The following STK36 variants were observed in gnomAD, a reference collection of about 807,000 sequenced individuals.
STK36 encodes the protein serine/threonine kinase 36.
Under a neutral mutation model 142.2 loss-of-function variants are expected in STK36, and 116 were observed. That is an observed-to-expected ratio of 0.82 (90% CI 0.70 to 0.95). The LOEUF (loss-of-function observed/expected upper bound fraction) is 0.95, where lower values mean the gene tolerates loss of function less well. STK36 is among the 40% of genes least tolerant of loss of function. STK36 has a pLI of 0.00. For synonymous variants in STK36, 619 were observed against 641.7 expected (o/e 0.96, Z 0.53); for missense variants, 1,422 against 1,617.2 (o/e 0.88, Z 2.07).
chr2:218,681,129 GT>G (rs544336140), intron 10 of STK36, among the ~76,000 whole-genome samples: 357 of 133,676 alleles, frequency 2.7e-3, no homozygotes, highest in Middle Eastern at 0.011. Flanking sequence ...TACCACAATC[GT>G]TTTTTTTTTT....
rs763391610 is a variant in STK36 at position 218,679,748 on chromosome 2, A to G, written c.948+19A>G. 7 of 1,613,850 alleles carry G rather than the reference A, an allele frequency of 4.3e-6. No individual in the cohort carries two copies. The highest frequency in any genetic ancestry group is 5.9e-6 in the Non-Finnish European group (7 of 1,179,896). On this transcript the variant is annotated intron_variant, in intron 8 of 26. Coordinates refer to ENST00000295709, the MANE Select transcript of STK36 (RefSeq NM_015690.5). Reference sequence around the variant, plus strand: ...GCAGAAGGTGTGTGGGGCAGAGGAAAATATGTGAAATGACCAGGCTAGTGA... The same window carrying G: ...GCAGAAGGTGTGTGGGGCAGAGGAAGATATGTGAAATGACCAGGCTAGTGA...
Position 218,698,950 on chromosome 2 carries a change from T to C in STK36, c.3406T>C (p.Leu1136=), listed in dbSNP as rs1244012155. The C allele has an allele frequency of 1.5e-5, 25 of 1,614,042 alleles. No homozygotes were observed. Among genetic ancestry groups the C allele is most frequent in the South Asian group, 4.4e-5 (4 of 91,096 alleles). ...ACACACTTATAGGCTCCTGGGACAC[T>C]TGCTCCAACACAGCATGGCCCTGCG... ...RAHTYRLLGH[L]LQHSMALRGA... Residue 1136 remains leucine, a synonymous_variant, in exon 26 of 27, where the codon TTG becomes CTG. Coordinates refer to ENST00000295709, the MANE Select transcript of STK36 (RefSeq NM_015690.5).
intron 1 of STK36, 28 bp downstream of exon 1, chr2:218,672,243 A>C (rs6748412): frequency 0.084 from 45,456 of 543,788 alleles, 5,468 homozygotes; most frequent in African/African-American, 0.43. Flanking sequence ...AAGAGACCGG[A>C]GGGAGAGGCG....
rs1439703971 is a variant in STK36 at position 218,679,717 on chromosome 2, G to T, written c.936G>T (p.Glu312Asp). 1 of 1,614,118 alleles carries T rather than the reference G, an allele frequency of 6.2e-7. No homozygotes were observed. Among genetic ancestry groups the T allele is most frequent in the Non-Finnish European group, 8.5e-7 (1 of 1,180,068 alleles). The change falls in exon 8 of 27, where the codon GAG becomes GAT. Residue 312 changes from glutamate to aspartate, a missense_variant. Transcript: ENST00000295709. ...AGGCCTATAAACGCATGGCTGAGGA[G>T]GCCATGCAGAAGGTGTGTGGGGCAG... is the stretch of plus-strand genomic sequence containing the variant. ...LTQAYKRMAE[E>D]AMQKKHQNTG...
chr2:218,697,636 C>T (rs372211861), intron 24 of STK36, 26 bp downstream of exon 24: 1 of 1,613,018 alleles, frequency 6.2e-7, no homozygotes, highest in Non-Finnish European at 8.5e-7. Flanking sequence ...AAGAGAGCCA[C>T]AGAGTCAGCA....
At chr2:218,676,610 T>C (rs1575121926) in intron 6 of STK36, among the ~76,000 whole-genome samples, 1 of 148,526 alleles carries the variant, frequency 6.7e-6, no homozygotes, top group South Asian at 2.1e-4. Flanking sequence ...AAAGGAAAGG[T>C]GCTACACGCT....
At position 218,688,533 on chromosome 2, in the gene STK36, C is replaced by G; in HGVS notation, c.1381-164C>G. 3.8e-6 allele frequency: 3 copies of G among 787,756 alleles called. No individual in the cohort carries two copies. The South Asian group carries it at 5.1e-5, about 13-fold the overall frequency. 48.8% of individuals were successfully genotyped at this position (787,756 alleles called of 1,614,324 possible). On this transcript the variant is annotated intron_variant, in intron 11 of 26. Transcript: ENST00000295709. Reference sequence around the variant, plus strand: ...TATTGTCTTCTTCCCTGGTACAGTTCCCCTATTTCCCTGCTTTCCTTCTCT... The same window carrying G: ...TATTGTCTTCTTCCCTGGTACAGTTGCCCTATTTCCCTGCTTTCCTTCTCT...
In STK36 at chr2:218,672,791, T is replaced by C; in HGVS notation, c.-39T>C. 6.2e-7 allele frequency: 1 copy of C among 1,602,846 alleles called. No homozygotes were observed. Among genetic ancestry groups the C allele is most frequent in the East Asian group, 2.2e-5 (1 of 44,812 alleles). On this transcript the variant is annotated 5_prime_UTR_variant, in exon 2 of 27. Transcript: ENST00000295709. ...CCTGGATCTATAGCTCTTCACCGTC[T>C]CTACTTTCTTCCTTCTAAGAGATCC...
chr2:218,692,050 C>T, intron 14 of STK36, 93 bp from the exon 15 acceptor site: 1 of 1,483,694 alleles, frequency 6.7e-7, no homozygotes. Flanking sequence ...TGGTTTTTGT[C>T]CTCTTTCCTC....
At chr2:218,674,514 CT>C (rs963361726) in intron 4 of STK36, among the ~76,000 whole-genome samples, 36 of 152,292 alleles carry the variant, frequency 2.4e-4, no homozygotes, top group African/African-American at 4.8e-4. Context: ...TAGGCCCCCC[CT>C]GGGATTCATT....
At chr2:218,672,693 G>A (rs1940041053) in intron 1 of STK36, 48 bp from the exon 2 acceptor site, 2 of 763,686 alleles carry the variant, frequency 2.6e-6, no homozygotes, top group Non-Finnish European at 4.4e-6. Flanking sequence ...GTGAAAAAGA[G>A]GAAAAGGCAA....
At position 218,690,447 on chromosome 2, in the gene STK36, C is replaced by T. The variant is rs1360169728; in HGVS notation, c.1659-3C>T. The T allele has an allele frequency of 1.2e-6, 2 of 1,613,780 alleles. No homozygotes were observed. Among genetic ancestry groups the T allele is most frequent in the Admixed American group, 1.7e-5 (1 of 60,002 alleles). On this transcript the variant is annotated splice_polypyrimidine_tract_variant and splice_region_variant and intron_variant, in intron 13 of 26. Transcript: ENST00000295709. Reference sequence around the variant, plus strand: ...AAATCATGGGCTCATTTTCCACCCCCAGCCTGCAGGTGTTTCAGGAGGCTG... The same window carrying T: ...AAATCATGGGCTCATTTTCCACCCCTAGCCTGCAGGTGTTTCAGGAGGCTG...
At chr2:218,686,303 G>A (rs923683730) in intron 11 of STK36, among the ~76,000 whole-genome samples, 23 of 151,902 alleles carry the variant, frequency 1.5e-4, no homozygotes, top group Admixed American at 6.6e-5. Flanking sequence ...TGTCATCTAG[G>A]CTGGAGTGTT....
Position 218,688,924 on chromosome 2 carries a change from C to A in STK36, c.1560+48C>A, listed in dbSNP as rs371981558. 7.3e-6 allele frequency: 11 copies of A among 1,511,124 alleles called. No homozygotes were observed. The African/African-American group carries it at 1.4e-4, about 20-fold the overall frequency. The allele number at this position is 1,511,124 out of a possible 1,614,324, so 93.6% of individuals were successfully genotyped here. A position where few individuals can be genotyped will look rare whatever the true frequency, so the allele number is the denominator to read the frequency against. ...CTGAAGACTTACAGAGGTTCTTTTTCTTGGATTTATCTCATTCAGATTGCC... is the reference window on the plus strand; with the variant it reads ...CTGAAGACTTACAGAGGTTCTTTTTATTGGATTTATCTCATTCAGATTGCC... On this transcript the variant is annotated intron_variant, in intron 12 of 26. Transcript: ENST00000295709.
intron 26 of STK36, among the ~76,000 whole-genome samples, chr2:218,699,992 C>T (rs947402087): frequency 6.6e-6 from 1 of 151,656 alleles, no homozygotes; most frequent in Admixed American, 6.6e-5. Context: ...GGCATGATCT[C>T]GGCTCACCAC....
At chr2:218,685,823 T>C (rs1559336574) in intron 11 of STK36, among the ~76,000 whole-genome samples, 1 of 152,208 alleles carries the variant, frequency 6.6e-6, no homozygotes, top group South Asian at 2.1e-4. Flanking sequence ...TGTATAAGAT[T>C]TACACTTTTT....
Position 218,690,515 on chromosome 2 carries a change from C to T in STK36, c.1724C>T (p.Pro575Leu). ...CTGTTGGGGAAACTGCTGGCCCAAC[C>T]AGATGACTCTGAGCAGACTTTGCGG... ...LDLLGKLLAQ[P>L]DDSEQTLRRD... Residue 575 changes from proline (P) to leucine (L), a missense_variant, in exon 14 of 27, where the codon CCA (proline) becomes CTA (leucine). Around this residue, in one of 2 missense-constraint regions of STK36, gnomAD observed 962 missense variants for 1,167.5 expected, o/e 0.82. Transcript: ENST00000295709. 6.2e-7 allele frequency: 1 copy of T among 1,614,166 alleles called. No homozygotes were observed. Among genetic ancestry groups the T allele is most frequent in the South Asian group, 1.1e-5 (1 of 91,070 alleles).
intron 10 of STK36, among the ~76,000 whole-genome samples, chr2:218,680,910 C>T (rs988143493): frequency 6.6e-6 from 1 of 152,086 alleles, no homozygotes; most frequent in Non-Finnish European, 1.5e-5. Flanking sequence ...AATGAAAGTC[C>T]TCATTGAATC....
Position 218,692,590 on chromosome 2 carries a change from G to T in STK36, c.1923G>T (p.Pro641=), listed in dbSNP as rs140295724. The change falls in exon 16 of 27, where the codon CCG becomes CCT. Residue 641 remains proline, a synonymous_variant. Transcript: ENST00000295709. The part of the protein sequence containing the change: ...QLPVHTPQGA[P]QVSQPLREQS... ...CTTTGCTTTTCTCCACAGGAGCCCC[G>T]CAAGTGAGCCAGCCACTGCGAGAGC... is the stretch of plus-strand genomic sequence containing the variant. 3.5e-5 allele frequency: 57 copies of T among 1,611,938 alleles called. No homozygotes were observed. Among genetic ancestry groups the T allele is most frequent in the South Asian group, 1.7e-4 (15 of 90,892 alleles).
Sources: gnomAD v4.1 joint callset for allele counts (sites outside exome capture counted in the v4.1 genomes callset) on GRCh38, gnomAD v4.1.1 for gene constraint, gnomAD v4.1.1 regional missense constraint, MANE v1.5 for transcripts, NCBI Gene and HGNC (gene_info 2026-07-23, HGNC 2026-07-21) for gene names.